LRMDA: variants seen among roughly 807,000 people sequenced by gnomAD.
The protein encoded by LRMDA is leucine-rich melanocyte differentiation-associated protein.
LRMDA carries 18 observed loss-of-function variants against 29.8 expected under a neutral mutation model. The observed-to-expected ratio is 0.60, with a 90% confidence interval of 0.42 to 0.90. LRMDA has a LOEUF of 0.90. LRMDA is among the 40% of genes least tolerant of loss of function. The probability of loss-of-function intolerance (pLI) is 0.00; values close to 1 mark genes in which losing one functional copy is unlikely to be tolerated. For synonymous variants in LRMDA, 125 were observed against 109.4 expected (o/e 1.14, Z -0.89); for missense variants, 273 against 273.9 (o/e 1.00, Z 0.02).
chr10:76,033,014 A>G (rs1848176745), intron 2 of LRMDA, among the ~76,000 whole-genome samples: 1 of 152,150 alleles, frequency 6.6e-6, no homozygotes, highest in African/African-American at 2.4e-5. Flanking sequence ...AGATCTACAC[A>G]CATATTTTTT....
intron 2 of LRMDA, among the ~76,000 whole-genome samples, chr10:75,662,464 G>A (rs568809512): frequency 6.6e-6 from 1 of 152,108 alleles, no homozygotes; most frequent in African/African-American, 2.4e-5. Context: ...GGGTGGGAAG[G>A]AATTTTATTG....
At chr10:75,740,262 C>T (rs183592385) in intron 2 of LRMDA, among the ~76,000 whole-genome samples, 20 of 152,272 alleles carry the variant, frequency 1.3e-4, no homozygotes, top group Non-Finnish European at 2.6e-4. Context: ...TGACGCAGAC[C>T]GACGGGAGCT....
intron 2 of LRMDA, among the ~76,000 whole-genome samples, chr10:75,780,546 C>A (rs1435796272): frequency 6.6e-6 from 1 of 152,142 alleles, no homozygotes; most frequent in Non-Finnish European, 1.5e-5. Context: ...GGACATGGCT[C>A]TGAAGGTGAA....
chr10:75,821,298 T>C (rs1272575462), intron 2 of LRMDA, among the ~76,000 whole-genome samples: 1 of 151,970 alleles, frequency 6.6e-6, no homozygotes, highest in African/African-American at 2.4e-5. Flanking sequence ...CAATAGCACA[T>C]AAAAAAGATA....
intron 2 of LRMDA, among the ~76,000 whole-genome samples, chr10:75,541,406 T>G (rs1840013740): frequency 6.6e-6 from 1 of 151,118 alleles, no homozygotes; most frequent in Non-Finnish European, 1.5e-5. Context: ...CACAAACTTT[T>G]TTTTTTTTTT....
intron 2 of LRMDA, among the ~76,000 whole-genome samples, chr10:75,689,328 G>A (rs570313515): frequency 6.6e-6 from 1 of 152,334 alleles, no homozygotes; most frequent in Admixed American, 6.5e-5. Context: ...AGGGTTTGAG[G>A]GTTATTTGTG....
At chr10:75,500,638 T>C (rs533684173) in intron 2 of LRMDA, among the ~76,000 whole-genome samples, 42 of 152,212 alleles carry the variant, frequency 2.8e-4, no homozygotes, top group Non-Finnish European at 5.3e-4. Context: ...GATTGACTTA[T>C]AGTTCTGCAT....
intron 6 of LRMDA, among the ~76,000 whole-genome samples, chr10:76,340,973 T>C (rs918748674): frequency 1.1e-4 from 16 of 152,294 alleles, no homozygotes; most frequent in Middle Eastern, 3.4e-3. Flanking sequence ...ATTATATCTG[T>C]AGTAAAATAT....
intron 2 of LRMDA, among the ~76,000 whole-genome samples, chr10:75,647,995 A>ATACGAAATGC (rs1564530409): frequency 6.8e-6 from 1 of 147,020 alleles, no homozygotes; most frequent in African/African-American, 2.7e-5. Context: ...CCTCCAAATG[A>ATACGAAATGC]TACCAAATGC....
intron 6 of LRMDA, among the ~76,000 whole-genome samples, chr10:76,462,457 T>A (rs1407626693): frequency 2.0e-5 from 3 of 152,172 alleles, no homozygotes; most frequent in African/African-American, 4.8e-5. Flanking sequence ...AGAAGAACCA[T>A]CCTCTTCCTC....
Position 76,036,132 on chromosome 10 carries a change from C to A in LRMDA, c.256C>A (p.Arg86=), listed in dbSNP as rs886043155. 6.2e-7 allele frequency: 1 copy of A among 1,613,216 alleles called. No individual in the cohort carries two copies. Among genetic ancestry groups the A allele is most frequent in the African/African-American group, 1.3e-5 (1 of 74,884 alleles). ...GCATACCTTAACCCTCAACAAGAAC[C>A]GAATATCCTTTCCTCTGCCCGCTGC... The part of the protein sequence containing the change: ...RLHTLTLNKN[R]ITDLENLLDH... The change falls in exon 3 of 7, where the codon CGA becomes AGA. Residue 86 remains arginine (R), a splice_region_variant and synonymous_variant. Transcript: ENST00000611255.
At position 75,432,718 on chromosome 10, in the gene LRMDA, T is replaced by G. The variant is rs566192136; in HGVS notation, c.30+964T>G. On this transcript the variant is annotated intron_variant, in intron 1 of 6. Transcript: ENST00000611255. The stretch of plus-strand genomic sequence containing the variant: ...ATTACTTTGGGCTGAAGGGAATGAT[T>G]CCTCCTTAGAGGAGATTCTAGGGGT... Among the ~76,000 whole-genome samples the G allele has an allele frequency of 3.3e-5, 5 of 152,348 alleles. No homozygotes were observed. The South Asian group carries it at 8.3e-4, about 25-fold the overall frequency.
chr10:75,438,738 G>A (rs868190953), intron 2 of LRMDA, among the ~76,000 whole-genome samples: 5 of 152,104 alleles, frequency 3.3e-5, no homozygotes, highest in Admixed American at 2.0e-4. Flanking sequence ...CATTTCACAC[G>A]AGTTCCTATG....
intron 2 of LRMDA, among the ~76,000 whole-genome samples, chr10:75,579,387 C>A (rs1465156993): frequency 6.6e-6 from 1 of 152,126 alleles, no homozygotes; most frequent in African/African-American, 2.4e-5. Context: ...AGTTGAATCC[C>A]TGAATAGACC....
rs148560347 is a variant in LRMDA, at chr10:76,475,969, C to A, written c.602-81240C>A. Among the ~76,000 whole-genome samples, 609 of 152,118 alleles carry A rather than the reference C, an allele frequency of 4.0e-3. 3 individuals are homozygous for A. Among genetic ancestry groups the A allele is most frequent in the African/African-American group, 0.014 (563 of 41,492 alleles). ...GCAGGAAAGATCTAAAAGTGACACC[C>A]TAACATCACAATTAAAAGAAGTAGA... On this transcript the variant is annotated intron_variant, in intron 6 of 6. Coordinates refer to ENST00000611255, the MANE Select transcript of LRMDA (RefSeq NM_001305581.2).
At chr10:76,247,848 C>T (rs1392874660) in intron 5 of LRMDA, among the ~76,000 whole-genome samples, 1 of 152,132 alleles carries the variant, frequency 6.6e-6, no homozygotes, top group African/African-American at 2.4e-5. Context: ...GATTGGAGTG[C>T]CTTCCGGAGG....
At chr10:76,245,338 G>A (rs925529604) in intron 5 of LRMDA, among the ~76,000 whole-genome samples, 1 of 152,218 alleles carries the variant, frequency 6.6e-6, no homozygotes, top group Non-Finnish European at 1.5e-5. Context: ...CCAGTGCCTG[G>A]GAATAAGTAG....
chr10:76,129,741 C>T (rs1195220921), intron 5 of LRMDA, among the ~76,000 whole-genome samples: 2 of 152,178 alleles, frequency 1.3e-5, no homozygotes, highest in Non-Finnish European at 1.5e-5. Context: ...CTTTCCCCAG[C>T]ACCCACACTT....
intron 5 of LRMDA, among the ~76,000 whole-genome samples, chr10:76,290,535 G>A (rs2132346895): frequency 6.8e-6 from 1 of 148,094 alleles, no homozygotes; most frequent in South Asian, 2.1e-4. Context: ...GGATTCTTGT[G>A]CCTCAGCCTC....
Sources: gnomAD v4.1 joint callset for allele counts (sites outside exome capture counted in the v4.1 genomes callset) on GRCh38, gnomAD v4.1.1 for gene constraint, MANE v1.5 for transcripts, NCBI Gene and HGNC (gene_info 2026-07-23, HGNC 2026-07-21) for gene names.